The following GPHN variants were observed in gnomAD, a reference collection of about 807,000 sequenced individuals.
The protein encoded by GPHN is gephyrin.
Under a neutral mutation model 95.5 loss-of-function variants are expected in GPHN, and 17 were observed. The ratio of observed to expected loss-of-function variants is 0.18; its 90% CI spans 0.12 to 0.27. The LOEUF (loss-of-function observed/expected upper bound fraction) is 0.27, where lower values mean the gene tolerates loss of function less well. Among genes scored for constraint, GPHN ranks in the 10% least tolerant of loss-of-function variants. The probability of loss-of-function intolerance (pLI) is 1.00; values close to 1 mark genes in which losing one functional copy is unlikely to be tolerated. For missense variants in GPHN, 660 were observed against 978.1 expected (o/e 0.67, Z 4.34); for synonymous variants, 320 against 322.5 (o/e 0.99, Z 0.08).
the GPHN span, among the ~76,000 whole-genome samples, chr14:67,601,677 C>G: frequency 6.6e-6 from 1 of 151,822 alleles, no homozygotes; most frequent in Non-Finnish European, 1.5e-5. Flanking sequence ...CTGAGGAGGG[C>G]AGATCACTTG....
chr14:67,514,093 T>C, the GPHN span, among the ~76,000 whole-genome samples: 2 of 152,102 alleles, frequency 1.3e-5, no homozygotes, highest in African/African-American at 4.8e-5. Flanking sequence ...CACATGAGAA[T>C]TGGTGAGCAG....
At chr14:66,542,415 T>C (rs2059384832) in intron 1 of GPHN, among the ~76,000 whole-genome samples, 1 of 152,226 alleles carries the variant, frequency 6.6e-6, no homozygotes. Context: ...CTGAGAAAAT[T>C]GAAGCCATCA....
intron 3 of GPHN, among the ~76,000 whole-genome samples, chr14:66,783,834 G>C (rs563892543): frequency 6.6e-6 from 1 of 152,306 alleles, no homozygotes; most frequent in Admixed American, 6.5e-5. Flanking sequence ...TTTTGCCAGA[G>C]TGGTGTCAGT....
intron 9 of GPHN, among the ~76,000 whole-genome samples, chr14:67,004,897 C>T (rs2072496676): frequency 6.6e-6 from 1 of 151,602 alleles, no homozygotes; most frequent in Non-Finnish European, 1.5e-5. Flanking sequence ...TGACATTACT[C>T]TTTATAAACA....
intron 1 of GPHN, among the ~76,000 whole-genome samples, chr14:66,677,924 T>TC (rs1266058396): frequency 6.6e-6 from 1 of 152,162 alleles, no homozygotes; most frequent in African/African-American, 2.4e-5. Context: ...CCATTTTTTT[T>TC]CTCTCTTGGC....
At chr14:66,860,615 G>A (rs1290732714) in intron 4 of GPHN, among the ~76,000 whole-genome samples, 2 of 151,972 alleles carry the variant, frequency 1.3e-5, no homozygotes, top group African/African-American at 4.8e-5. Flanking sequence ...TGATTGTGGT[G>A]TGTAAACTAC....
the GPHN span, chr14:67,241,708 G>A: frequency 6.6e-6 from 1 of 152,446 alleles, no homozygotes; most frequent in African/African-American, 2.4e-5. Flanking sequence ...GCGAGCTGCG[G>A]CCGTGGAGGG....
the GPHN span, among the ~76,000 whole-genome samples, chr14:67,261,452 T>G: frequency 6.6e-6 from 1 of 152,174 alleles, no homozygotes; most frequent in Non-Finnish European, 1.5e-5. Context: ...GATATTACAG[T>G]TACGATTTTG....
chr14:66,557,969 G>A (rs530081542), intron 1 of GPHN, among the ~76,000 whole-genome samples: 2 of 152,098 alleles, frequency 1.3e-5, no homozygotes, highest in East Asian at 1.9e-4. Context: ...ATAATATGGT[G>A]CTAATTACTA....
the GPHN span, among the ~76,000 whole-genome samples, chr14:67,288,025 G>C: frequency 2.6e-5 from 4 of 152,100 alleles, no homozygotes; most frequent in Admixed American, 1.3e-4. Flanking sequence ...TTCAGTCAGT[G>C]GTGAAATCTG....
intron 1 of GPHN, among the ~76,000 whole-genome samples, chr14:66,666,114 G>T (rs917572083): frequency 6.6e-6 from 1 of 150,472 alleles, no homozygotes; most frequent in Non-Finnish European, 1.5e-5. Flanking sequence ...GGTAGGGGGA[G>T]GGGGGAGGGA....
At chr14:67,352,910 A>C in the GPHN span, 2 of 1,557,382 alleles carry the variant, frequency 1.3e-6, no homozygotes. Flanking sequence ...ATTCTAAGAA[A>C]AGTTCATTCT....
intron 8 of GPHN, among the ~76,000 whole-genome samples, chr14:66,961,489 G>A (rs1331682605): frequency 6.6e-6 from 1 of 151,622 alleles, no homozygotes; most frequent in Non-Finnish European, 1.5e-5. Flanking sequence ...CTACAGAGTA[G>A]GAATAGATAT....
the GPHN span, among the ~76,000 whole-genome samples, chr14:67,324,824 ACCCT>A: frequency 1.0e-4 from 15 of 148,174 alleles, no homozygotes; most frequent in Non-Finnish European, 4.5e-5. Context: ...GCCTCAAGAA[ACCCT>A]CCTTCCTGCC....
chr14:66,657,257 G>T (rs1336459062), intron 1 of GPHN, among the ~76,000 whole-genome samples: 1 of 152,234 alleles, frequency 6.6e-6, no homozygotes, highest in Admixed American at 6.5e-5. Flanking sequence ...AGGTGCAGAA[G>T]TTGCACAAGA....
the GPHN span, chr14:67,620,761 A>C: frequency 1.3e-6 from 1 of 796,518 alleles, no homozygotes. Flanking sequence ...ATGGAGTTGG[A>C]AGGACAGTCA....
chr14:66,558,891 C>T (rs2060116117), intron 1 of GPHN, among the ~76,000 whole-genome samples: 1 of 149,724 alleles, frequency 6.7e-6, no homozygotes, highest in African/African-American at 2.5e-5. Flanking sequence ...TCCCCCCTCC[C>T]CCAACCCCAC....
In GPHN at chr14:66,873,038, C is replaced by T. The variant is rs556842183; in HGVS notation, c.295-6901C>T. On this transcript the variant is annotated intron_variant, in intron 4 of 22. Coordinates refer to ENST00000478722, the MANE Select transcript of GPHN (RefSeq NM_020806.5). ...AGTCTGCAACGCCCAGCAAGATCAA[C>T]GCAGTAGGCAGGTGATTGCTGCATT... 1.2e-3 allele frequency among the ~76,000 whole-genome samples: 179 copies of T among 152,306 alleles called. 1 individual carries two copies. Among genetic ancestry groups the T allele is most frequent in the South Asian group, 2.1e-3 (10 of 4,824 alleles).
chr14:67,312,270 A>G, the GPHN span: 1,510 of 244,594 alleles, frequency 6.2e-3, 21 homozygotes, highest in South Asian at 0.031. Context: ...TCCAACTACA[A>G]TTTCTTTGCA....
Sources: gnomAD v4.1 joint callset for allele counts (sites outside exome capture counted in the v4.1 genomes callset) on GRCh38, gnomAD v4.1.1 for gene constraint, MANE v1.5 for transcripts, NCBI Gene and HGNC (gene_info 2026-07-23, HGNC 2026-07-21) for gene names.